STX8: variants seen among roughly 807,000 people sequenced by gnomAD.
STX8 encodes the protein syntaxin-8.
In STX8, 23 loss-of-function variants were observed where a neutral mutation model predicts 37.5. That is an observed-to-expected ratio of 0.61 (90% CI 0.44 to 0.87). STX8 has a LOEUF of 0.87. Ranked by LOEUF, STX8 falls within the 40% of genes least tolerant of loss-of-function variation. The pLI, the probability that STX8 is intolerant of heterozygous loss-of-function variation, is 0.00. For missense variants in STX8, 313 were observed against 284.7 expected (o/e 1.10, Z -0.71); for synonymous variants, 115 against 99.1 (o/e 1.16, Z -0.95).
chr17:9,357,678 G>C (rs1487145204), intron 7 of STX8, among the ~76,000 whole-genome samples: 2 of 151,976 alleles, frequency 1.3e-5, no homozygotes, highest in Non-Finnish European at 2.9e-5. Context: ...CTGGACAACA[G>C]AGTGAGACTC....
chr17:9,369,367 A>G (rs180980894), intron 7 of STX8, among the ~76,000 whole-genome samples: 6 of 152,346 alleles, frequency 3.9e-5, no homozygotes, highest in Admixed American at 1.3e-4. Flanking sequence ...TAAGGGAAAG[A>G]AGAAGTAAAA....
chr17:9,266,551 A>G lies in STX8; in HGVS notation c.644-15906T>C, dbSNP rs377148613. Among the ~76,000 whole-genome samples, 11 of 152,308 alleles carry G rather than the reference A, an allele frequency of 7.2e-5. No individual in the cohort carries two copies. The East Asian group carries it at 7.7e-4, about 11-fold the overall frequency. On this transcript the variant is annotated intron_variant, in intron 7 of 7. Transcript: ENST00000306357. The stretch of plus-strand genomic sequence containing the variant: ...GAAGCCAGGTCACGGTGGTGGAAGT[A>G]GGATGAAATAGTAGACACACGATGT...
intron 6 of STX8, among the ~76,000 whole-genome samples, chr17:9,393,670 A>G (rs924252414): frequency 2.0e-5 from 3 of 152,240 alleles, no homozygotes; most frequent in Non-Finnish European, 4.4e-5. Context: ...TACCACTAAA[A>G]CAATCTATAC....
At chr17:9,559,564 C>A (rs1295474498) in intron 2 of STX8, among the ~76,000 whole-genome samples, 1 of 150,394 alleles carries the variant, frequency 6.6e-6, no homozygotes, top group East Asian at 1.9e-4. Flanking sequence ...AACACTACTG[C>A]CTTAACTACA....
intron 7 of STX8, among the ~76,000 whole-genome samples, chr17:9,260,709 G>A (rs1207388445): frequency 2.6e-5 from 4 of 152,210 alleles, no homozygotes; most frequent in Admixed American, 1.3e-4. Context: ...TGTCCCCCAT[G>A]TGCCTGGGTG....
chr17:9,403,967 C>T (rs764377416), intron 6 of STX8, among the ~76,000 whole-genome samples: 4 of 151,280 alleles, frequency 2.6e-5, no homozygotes, highest in Non-Finnish European at 5.9e-5. Context: ...CTTTTGACTC[C>T]CCCAAAACTT....
intron 7 of STX8, among the ~76,000 whole-genome samples, chr17:9,312,517 A>G (rs1909227314): frequency 6.6e-6 from 1 of 152,220 alleles, no homozygotes; most frequent in African/African-American, 2.4e-5. Flanking sequence ...AGACATTTTA[A>G]GGGATATCAT....
chr17:9,517,067 A>C (rs1033495396), intron 4 of STX8, among the ~76,000 whole-genome samples: 4 of 152,224 alleles, frequency 2.6e-5, no homozygotes, highest in African/African-American at 7.2e-5. Flanking sequence ...ATTGTGAATT[A>C]GATTTTTTCA....
At chr17:9,279,106 CAGGCTGG>C (rs1907787987) in intron 7 of STX8, among the ~76,000 whole-genome samples, 1 of 151,206 alleles carries the variant, frequency 6.6e-6, no homozygotes, top group Non-Finnish European at 1.5e-5. Context: ...TCTTGTTGCC[CAGGCTGG>C]AGTTCAGTGG....
At chr17:9,382,429 T>C (rs1303230657) in intron 6 of STX8, among the ~76,000 whole-genome samples, 3 of 150,296 alleles carry the variant, frequency 2.0e-5, no homozygotes, top group South Asian at 2.1e-4. Context: ...TCACGCAAGA[T>C]TTTTTTTCTT....
chr17:9,299,731 C>T (rs144661953), intron 7 of STX8, among the ~76,000 whole-genome samples: 2 of 152,182 alleles, frequency 1.3e-5, no homozygotes, highest in East Asian at 1.9e-4. Flanking sequence ...TGTGAGCCAC[C>T]GTGCTCGGGC....
In STX8 at chr17:9,429,956, A is replaced by AAT. The variant is rs1320924245; in HGVS notation, c.542-51305_542-51304dup. On this transcript the variant is annotated intron_variant, in intron 6 of 7. Transcript: ENST00000306357. ...ATATTATATAGAATATATTATATAT[A>AAT]ATATATATATTATATATTATATAGA... 2.7e-3 allele frequency among the ~76,000 whole-genome samples: 4 copies of AAT among 1,472 alleles called. 1 individual carries two copies. Among genetic ancestry groups the AAT allele is most frequent in the Non-Finnish European group, 4.1e-3 (4 of 968 alleles). The allele number at this position is 1,472 out of a possible 152,430, so 1.0% of individuals were successfully genotyped here.
intron 6 of STX8, among the ~76,000 whole-genome samples, chr17:9,393,717 A>G (rs1440377385): frequency 1.3e-5 from 2 of 152,230 alleles, no homozygotes; most frequent in Non-Finnish European, 2.9e-5. Flanking sequence ...GAAAAATAAA[A>G]AAGCGGTACT....
chr17:9,318,119 CAG>C (rs1909450059), intron 7 of STX8, among the ~76,000 whole-genome samples: 1 of 152,164 alleles, frequency 6.6e-6, no homozygotes. Context: ...CTAGAGGACA[CAG>C]AAATAATTTT....
At chr17:9,275,827 C>A (rs1907655436) in intron 7 of STX8, among the ~76,000 whole-genome samples, 1 of 151,298 alleles carries the variant, frequency 6.6e-6, no homozygotes, top group African/African-American at 2.4e-5. Context: ...AAGATCGTGC[C>A]ACTGCACTCC....
intron 6 of STX8, among the ~76,000 whole-genome samples, chr17:9,417,337 T>C (rs896235796): frequency 3.9e-5 from 6 of 152,130 alleles, no homozygotes; most frequent in African/African-American, 1.2e-4. Context: ...TATAAAACCA[T>C]TGCCAAGGAA....
At chr17:9,372,127 T>C (rs1196918130) in intron 7 of STX8, among the ~76,000 whole-genome samples, 2 of 152,202 alleles carry the variant, frequency 1.3e-5, no homozygotes, top group African/African-American at 4.8e-5. Flanking sequence ...TGGTATGATG[T>C]TTCCCGGTCT....
intron 4 of STX8, among the ~76,000 whole-genome samples, chr17:9,523,955 T>A (rs1313738174): frequency 6.6e-6 from 1 of 152,240 alleles, no homozygotes; most frequent in Non-Finnish European, 1.5e-5. Context: ...ACCTACATCG[T>A]CCATTTTTCA....
chr17:9,563,542 C>T (rs1252937174), intron 2 of STX8, among the ~76,000 whole-genome samples: 2 of 151,908 alleles, frequency 1.3e-5, no homozygotes, highest in East Asian at 1.9e-4. Context: ...CAGAGACACA[C>T]ACATACACAC....
Sources: allele counts gnomAD v4.1 joint callset (sites outside exome capture counted in the v4.1 genomes callset), GRCh38; gene constraint gnomAD v4.1.1; transcripts MANE v1.5; gene names NCBI Gene and HGNC (gene_info 2026-07-23, HGNC 2026-07-21).